POLR1F: variants seen among roughly 807,000 people sequenced by gnomAD.
The protein encoded by POLR1F is DNA-directed RNA polymerase I subunit RPA43.
In POLR1F, 23 loss-of-function variants were observed where a neutral mutation model predicts 21.8. That is an observed-to-expected ratio of 1.05 (90% CI 0.76 to 1.49). The LOEUF is 1.49. Ranked by LOEUF, POLR1F falls within the 40% of genes most tolerant of loss-of-function variation. POLR1F has a pLI of 0.00. For synonymous variants in POLR1F, 162 were observed against 152.8 expected, an observed-to-expected ratio of 1.06 and a Z score of -0.45; for missense variants, 435 against 412.1, an observed-to-expected ratio of 1.06 and a Z score of -0.48.
chr7:19,700,241 A>G lies in POLR1F; in HGVS notation c.436T>C (p.Leu146=). 6.2e-7 allele frequency: 1 copy of G among 1,613,870 alleles called. No individual in the cohort carries two copies. Among genetic ancestry groups the G allele is most frequent in the African/African-American group, 1.3e-5 (1 of 75,032 alleles). ...GAGGCATTGAAACACCCATGTACTA[A>G]ACAGCCAATGTGGCTAGAAGACACT... ...NKVSSSHIGC[L]VHGCFNASIP... Residue 146 remains leucine, a synonymous_variant, in exon 3 of 4, where the codon TTA becomes CTA. Transcript: ENST00000222567.
At position 19,708,990 on chromosome 7, in the gene POLR1F, C is replaced by G. The variant is rs769437920; in HGVS notation, c.27G>C (p.Pro9=). The change falls in exon 1 of 4, where the codon CCG becomes CCC. Residue 9 remains proline, a synonymous_variant. Coordinates refer to ENST00000222567, the MANE Select transcript of POLR1F (RefSeq NM_001002926.2). ...ACCCATCAGAAGCCGCCGCTGGCCG[C>G]GGCGCCTCTGAGCAACCTGCAGCCA... MAAGCSEA[P]RPAAASDGSL... is the part of the protein sequence containing the mutation. 6.3e-7 allele frequency: 1 copy of G among 1,594,262 alleles called. No individual in the cohort carries two copies. Among genetic ancestry groups the G allele is most frequent in the Non-Finnish European group, 8.6e-7 (1 of 1,169,038 alleles).
chr7:19,704,136 C>T (rs1783484795), intron 2 of POLR1F, among the ~76,000 whole-genome samples: 1 of 152,090 alleles, frequency 6.6e-6, no homozygotes, highest in Non-Finnish European at 1.5e-5. Flanking sequence ...GTTAACAGTT[C>T]TGATCTATTA....
intron 2 of POLR1F, among the ~76,000 whole-genome samples, chr7:19,700,897 A>G (rs1342480988): frequency 6.6e-6 from 1 of 152,264 alleles, no homozygotes; most frequent in Non-Finnish European, 1.5e-5. Context: ...CTTTAAAACT[A>G]AAACAAAAGT....
chr7:19,700,438 C>T (rs189059188), intron 2 of POLR1F, 158 bp from the exon 3 acceptor site: 3 of 612,560 alleles, frequency 4.9e-6, no homozygotes, highest in Non-Finnish European at 8.5e-6. Flanking sequence ...TTAAAACTTA[C>T]CACATGTCAT....
At chr7:19,704,697 G>GTA (rs1282769029) in intron 2 of POLR1F, 82 bp downstream of exon 2, 1 of 1,233,396 alleles carries the variant, frequency 8.1e-7, no homozygotes, top group Non-Finnish European at 1.1e-6. Context: ...GAGTCCCAAG[G>GTA]TATATATTAT....
intron 2 of POLR1F, among the ~76,000 whole-genome samples, chr7:19,703,254 GA>G (rs1783468256): frequency 6.6e-6 from 1 of 152,080 alleles, no homozygotes; most frequent in Non-Finnish European, 1.5e-5. Context: ...TGGAACTATA[GA>G]ATAAGCAAAA....
At position 19,697,215 on chromosome 7, in the gene POLR1F, C is replaced by T. The variant is rs1400326820; in HGVS notation, c.*1101G>A. ...CCCCTTTTTTTCATACCACTTAATACAATTATTAATTTTCTTATTTATTGT... is the reference window on the plus strand; with the variant it reads ...CCCCTTTTTTTCATACCACTTAATATAATTATTAATTTTCTTATTTATTGT... On this transcript the variant is annotated 3_prime_UTR_variant, in exon 4 of 4. Coordinates refer to ENST00000222567, the MANE Select transcript of POLR1F (RefSeq NM_001002926.2). 2 of 152,062 alleles carry T rather than the reference C, an allele frequency of 1.3e-5. No individual in the cohort carries two copies. Among genetic ancestry groups the T allele is most frequent in the Admixed American group, 6.6e-5 (1 of 15,254 alleles). The allele number at this position is 152,062 out of a possible 1,614,324, so 9.4% of individuals were successfully genotyped here. A position where few individuals can be genotyped will look rare whatever the true frequency, so the allele number is the denominator to read the frequency against.
Position 19,698,454 on chromosome 7 carries a change from A to G in POLR1F, c.879T>C (p.Val293=). ...KHQEVQDQDP[V]FQGSDSSGYQ... is the part of the protein sequence containing the mutation. ...AACCACTGGAGTCACTGCCTTGGAA[A>G]ACAGGGTCCTGGTCCTGAACTTCCT... The change falls in exon 4 of 4, where the codon GTT becomes GTC. Residue 293 remains valine, a synonymous_variant. Transcript: ENST00000222567. The G allele has an allele frequency of 6.2e-7, 1 of 1,612,780 alleles. No individual in the cohort carries two copies. The highest frequency in any genetic ancestry group is 8.5e-7 in the Non-Finnish European group (1 of 1,179,648).
chr7:19,708,861 C>A lies in POLR1F; in HGVS notation c.156G>T (p.Pro52=). The A allele has an allele frequency of 6.2e-7, 1 of 1,614,148 alleles. No homozygotes were observed. Among genetic ancestry groups the A allele is most frequent in the Non-Finnish European group, 8.5e-7 (1 of 1,180,006 alleles). Residue 52 remains proline, a synonymous_variant, in exon 1 of 4, where the codon CCG becomes CCT. Transcript: ENST00000222567. ...NSRYSCLVAG[P]HQRHIALSPR... ...GCGACAGCGCGATGTGCCTTTGGTG[C>A]GGCCCGGCCACCAGGCATGAGTAGC...
Position 19,695,542 on chromosome 7 carries a change from A to G in POLR1F, c.*2774T>C, listed in dbSNP as rs190531051. On this transcript the variant is annotated 3_prime_UTR_variant, in exon 4 of 4. Coordinates refer to ENST00000222567, the MANE Select transcript of POLR1F (RefSeq NM_001002926.2). ...CATTATACAAAGGATTCACTGTTAA[A>G]TACTATAGATATAGTTAAGGCATAA... The G allele has an allele frequency of 6.6e-6, 1 of 152,274 alleles. No homozygotes were observed. The highest frequency in any genetic ancestry group is 2.4e-5 in the African/African-American group (1 of 41,574). 9.4% of individuals were successfully genotyped at this position (152,274 alleles called of 1,614,324 possible).
At chr7:19,707,176 A>G (rs1221801776) in intron 1 of POLR1F, among the ~76,000 whole-genome samples, 2 of 152,150 alleles carry the variant, frequency 1.3e-5, no homozygotes, top group Non-Finnish European at 2.9e-5. Context: ...CTCCTTGTCC[A>G]CTTTCTCATC....
At chr7:19,706,900 G>A (rs922439442) in intron 1 of POLR1F, among the ~76,000 whole-genome samples, 19 of 152,112 alleles carry the variant, frequency 1.2e-4, no homozygotes, top group African/African-American at 4.6e-4. Flanking sequence ...TATTAGTAAT[G>A]CATAGTTCAA....
chr7:19,701,786 T>G (rs759568431), intron 2 of POLR1F, among the ~76,000 whole-genome samples: 13 of 152,166 alleles, frequency 8.5e-5, no homozygotes, highest in South Asian at 2.1e-4. Flanking sequence ...CTTTAATCAT[T>G]CATAGAACTA....
intron 2 of POLR1F, among the ~76,000 whole-genome samples, chr7:19,704,044 T>G (rs962010097): frequency 6.6e-6 from 1 of 152,228 alleles, no homozygotes; most frequent in South Asian, 2.1e-4. Context: ...TAATTTGATA[T>G]TGAAAAATGA....
At chr7:19,707,181 C>A (rs896734306) in intron 1 of POLR1F, among the ~76,000 whole-genome samples, 11 of 152,202 alleles carry the variant, frequency 7.2e-5, no homozygotes, top group African/African-American at 2.7e-4. Flanking sequence ...TGTCCACTTT[C>A]TCATCCTATT....
At position 19,696,971 on chromosome 7, in the gene POLR1F, A is replaced by C. The variant is rs1171785576; in HGVS notation, c.*1345T>G. ...TTGTCTAGCACATCTACTTGTAGAC[A>C]ATTGTGAACATCTGCCACTCTGCCA... On this transcript the variant is annotated 3_prime_UTR_variant, in exon 4 of 4. Transcript: ENST00000222567. The C allele has an allele frequency of 1.3e-5, 2 of 152,104 alleles. No individual in the cohort carries two copies. Among genetic ancestry groups the C allele is most frequent in the Non-Finnish European group, 2.9e-5 (2 of 67,952 alleles). 9.4% of individuals were successfully genotyped at this position (152,104 alleles called of 1,614,324 possible). A position where few individuals can be genotyped will look rare whatever the true frequency, so the allele number is the denominator to read the frequency against.
intron 1 of POLR1F, among the ~76,000 whole-genome samples, chr7:19,707,753 T>C (rs531512194): frequency 6.6e-6 from 1 of 152,214 alleles, no homozygotes; most frequent in South Asian, 2.1e-4. Flanking sequence ...TTAAAGCTCC[T>C]TGAAACAGAG....
At position 19,698,187 on chromosome 7, in the gene POLR1F, T is replaced by G; in HGVS notation, c.*129A>C. Reference sequence around the variant, plus strand: ...ATCATTTTTAGCATATAAAGCCTCCTACTCCTAGTTAAGTATTTTCTGTTT... The same window carrying G: ...ATCATTTTTAGCATATAAAGCCTCCGACTCCTAGTTAAGTATTTTCTGTTT... On this transcript the variant is annotated 3_prime_UTR_variant, in exon 4 of 4. Transcript: ENST00000222567. The G allele has an allele frequency of 1.3e-6, 1 of 775,748 alleles. No homozygotes were observed. The highest frequency in any genetic ancestry group is 3.8e-5 in the Admixed American group (1 of 26,508). 48.1% of individuals were successfully genotyped at this position (775,748 alleles called of 1,614,324 possible). A position where few individuals can be genotyped will look rare whatever the true frequency, so the allele number is the denominator to read the frequency against.
At chr7:19,698,807 G>A in intron 3 of POLR1F, 80 bp from the exon 4 acceptor site, 2 of 1,214,790 alleles carry the variant, frequency 1.6e-6, no homozygotes, top group South Asian at 3.5e-5. Context: ...TATCCCAACA[G>A]GCTAAGATTT....
Sources: allele counts gnomAD v4.1 joint callset (sites outside exome capture counted in the v4.1 genomes callset), GRCh38; gene constraint gnomAD v4.1.1; transcripts MANE v1.5; gene names NCBI Gene and HGNC (gene_info 2026-07-23, HGNC 2026-07-21).